The following PIWIL3 variants were observed in gnomAD, a reference collection of about 807,000 sequenced individuals.
PIWIL3 encodes the protein piwi-like protein 3.
PIWIL3 carries 101 observed loss-of-function variants against 109.7 expected under a neutral mutation model. That is an observed-to-expected ratio of 0.92 (90% confidence interval 0.78 to 1.09). The LOEUF (loss-of-function observed/expected upper bound fraction) is 1.09, where lower values mean the gene tolerates loss of function less well. PIWIL3 is among the 50% of genes least tolerant of loss of function. The probability of loss-of-function intolerance (pLI) is 0.00; values close to 1 mark genes in which losing one functional copy is unlikely to be tolerated. For synonymous variants in PIWIL3, 373 were observed against 376.4 expected (o/e 0.99, Z 0.10); for missense variants, 1,031 against 1,072.6 (o/e 0.96, Z 0.54).
chr22:24,765,971 C>A (rs1348494619), intron 1 of PIWIL3, among the ~76,000 whole-genome samples: 1 of 151,544 alleles, frequency 6.6e-6, no homozygotes, highest in Non-Finnish European at 1.5e-5. Flanking sequence ...CCTCAAGTAT[C>A]CTCTATTTTT....
At chr22:24,764,158 C>T (rs1222525914) in intron 1 of PIWIL3, among the ~76,000 whole-genome samples, 1 of 152,252 alleles carries the variant, frequency 6.6e-6, no homozygotes, top group Admixed American at 6.5e-5. Context: ...AATTTCAACC[C>T]TGGGGTCCCG....
chr22:24,730,061 T>C (rs573782116), intron 14 of PIWIL3, among the ~76,000 whole-genome samples: 69 of 152,148 alleles, frequency 4.5e-4, no homozygotes, highest in African/African-American at 1.3e-3. Context: ...GAATTATGTG[T>C]ACAGATTAGA....
chr22:24,759,685 C>T (rs755054140), intron 3 of PIWIL3, among the ~76,000 whole-genome samples, 184 bp downstream of exon 3: 2 of 152,228 alleles, frequency 1.3e-5, no homozygotes, highest in African/African-American at 2.4e-5. Context: ...AGTTAAGACA[C>T]AAGGTGAAGA....
At chr22:24,727,838 C>G in intron 16 of PIWIL3, 112 bp downstream of exon 16, 2 of 822,070 alleles carry the variant, frequency 2.4e-6, no homozygotes, top group Non-Finnish European at 3.8e-6. Context: ...TTAAGAATAA[C>G]TCATCTGTCA....
chr22:24,741,412 G>C (rs976285182), intron 12 of PIWIL3, among the ~76,000 whole-genome samples: 3 of 152,122 alleles, frequency 2.0e-5, no homozygotes, highest in Non-Finnish European at 4.4e-5. Context: ...GCTGAGGTAG[G>C]AGAATCACTT....
chr22:24,727,810 A>T (rs1923084953), intron 16 of PIWIL3, 140 bp downstream of exon 16: 2 of 698,056 alleles, frequency 2.9e-6, no homozygotes, highest in South Asian at 3.9e-5. Flanking sequence ...TTGCCAGAAA[A>T]ATCAGGAGAC....
rs754807881 is a variant in PIWIL3, at chr22:24,755,828, G to A, written c.648C>T (p.Pro216=). ...ITVEFSKELT[P]TSPDCLRYYN... is the part of the protein sequence containing the mutation. Reference sequence around the variant, plus strand: ...AATAGCGTAGGCAATCTGGCGACGTGGGCGTGAGTTCTTTGGAAAACTCAA... The same window carrying A: ...AATAGCGTAGGCAATCTGGCGACGTAGGCGTGAGTTCTTTGGAAAACTCAA... Residue 216 remains proline (P), a synonymous_variant, in exon 6 of 21, where the codon CCC becomes CCT. Coordinates refer to ENST00000616349, the MANE Select transcript of PIWIL3 (RefSeq NM_001255975.1). 6.2e-7 allele frequency: 1 copy of A among 1,614,028 alleles called. No homozygotes were observed. Among genetic ancestry groups the A allele is most frequent in the Non-Finnish European group, 8.5e-7 (1 of 1,179,994 alleles).
chr22:24,756,634 A>G lies in PIWIL3; in HGVS notation c.427T>C (p.Tyr143His). The change falls in exon 5 of 21, where the codon TAT becomes CAT. Residue 143 changes from tyrosine (Y) to histidine (H), a missense_variant. By Grantham distance (83) the Tyr-to-His change is moderately conservative. Transcript: ENST00000616349. Reference protein sequence around the residue: ...RVISRPQWVAYKYNVDYKPDI... With the variant: ...RVISRPQWVAHKYNVDYKPDI... ...GGTTTGTAGTCAACGTTGTATTTAT[A>G]TGCAACCCACTGAGGACGAGATATC... is the stretch of plus-strand genomic sequence containing the variant. 1.2e-6 allele frequency: 2 copies of G among 1,614,142 alleles called. No homozygotes were observed. Among genetic ancestry groups the G allele is most frequent in the Non-Finnish European group, 1.7e-6 (2 of 1,179,986 alleles).
At position 24,749,413 on chromosome 22, in the gene PIWIL3, G is replaced by T. The variant is rs1314191388; in HGVS notation, c.1325C>A (p.Thr442Asn). The T allele has an allele frequency of 2.5e-6, 4 of 1,613,778 alleles. No homozygotes were observed. In the African/African-American group the frequency reaches 5.3e-5, roughly 22 times the overall value. The change falls in exon 11 of 21, where the codon ACT (threonine) becomes AAT (asparagine). Residue 442 changes from threonine to asparagine, a missense_variant. By Grantham distance (65) the Thr-to-Asn change is moderately conservative. Transcript: ENST00000616349. Reference sequence around the variant, plus strand: ...GAAAAGCAGCACTTACTCTTGTAGAGTATTGATGAATTCTTTTAATGTATG... The same window carrying T: ...GAAAAGCAGCACTTACTCTTGTAGATTATTGATGAATTCTTTTAATGTATG... ...RHHTLKEFIN[T>N]LQDNKKVREL...
rs1926317396 is a variant in PIWIL3 at position 24,774,593 on chromosome 22, G to A, written c.-294C>T. 6.6e-6 allele frequency: 1 copy of A among 152,244 alleles called. No individual in the cohort carries two copies. The highest frequency in any genetic ancestry group is 1.5e-5 in the Non-Finnish European group (1 of 68,206). 9.4% of individuals were successfully genotyped at this position (152,244 alleles called of 1,614,324 possible). ...CAGGCTGAGGCGGGTAGATCATGAG[G>A]TCAGGAGATGGAGACCATCCTGGCT... On this transcript the variant is annotated 5_prime_UTR_variant, in exon 1 of 21. Coordinates refer to ENST00000616349, the MANE Select transcript of PIWIL3 (RefSeq NM_001255975.1).
At chr22:24,744,194 A>AAAAAACAAAC (rs1924203266) in intron 12 of PIWIL3, among the ~76,000 whole-genome samples, 1 of 147,364 alleles carries the variant, frequency 6.8e-6, no homozygotes, top group Non-Finnish European at 1.5e-5. Context: ...AAAAAAAAAA[A>AAAAAACAAAC]AAAAAAAAAA....
At chr22:24,764,126 G>A (rs1239318143) in intron 1 of PIWIL3, among the ~76,000 whole-genome samples, 1 of 152,208 alleles carries the variant, frequency 6.6e-6, no homozygotes, top group Non-Finnish European at 1.5e-5. Flanking sequence ...CAGGAAAGCA[G>A]GCGTCGCCCC....
intron 13 of PIWIL3, among the ~76,000 whole-genome samples, chr22:24,734,700 A>C (rs1171837493): frequency 1.3e-5 from 2 of 152,114 alleles, no homozygotes; most frequent in South Asian, 4.1e-4. Context: ...TAAAAACCAG[A>C]GGAAAATTGT....
At chr22:24,763,807 G>T (rs905351828) in intron 1 of PIWIL3, among the ~76,000 whole-genome samples, 3 of 151,708 alleles carry the variant, frequency 2.0e-5, no homozygotes, top group Non-Finnish European at 4.4e-5. Flanking sequence ...ATCCTGAGTG[G>T]GACCTCCGCC....
At chr22:24,733,994 CCAA>C (rs1293123662) in intron 14 of PIWIL3, 87 bp downstream of exon 14, 33 of 1,423,662 alleles carry the variant, frequency 2.3e-5, no homozygotes, top group South Asian at 6.5e-5. Context: ...GTTCAGGAAA[CCAA>C]CAACAACATT....
At position 24,749,027 on chromosome 22, in the gene PIWIL3, A is replaced by T; in HGVS notation, c.1335-6T>A. The T allele has an allele frequency of 1.3e-6, 2 of 1,592,558 alleles. No homozygotes were observed. The highest frequency in any genetic ancestry group is 1.7e-6 in the Non-Finnish European group (2 of 1,163,470). On this transcript the variant is annotated splice_region_variant and splice_polypyrimidine_tract_variant and intron_variant, in intron 11 of 20. Coordinates refer to ENST00000616349, the MANE Select transcript of PIWIL3 (RefSeq NM_001255975.1). Reference sequence around the variant, plus strand: ...ACTCTCGTACTTTTTTATTACTGAAAATTAAAATATTGCCAACATGATCAA... The same window carrying T: ...ACTCTCGTACTTTTTTATTACTGAATATTAAAATATTGCCAACATGATCAA...
chr22:24,753,702 C>T (rs1924842481), intron 8 of PIWIL3, among the ~76,000 whole-genome samples: 1 of 152,160 alleles, frequency 6.6e-6, no homozygotes, highest in Non-Finnish European at 1.5e-5. Context: ...TATAACTAAG[C>T]ACTGATTTTT....
chr22:24,725,875 A>G (rs576867739), intron 16 of PIWIL3, among the ~76,000 whole-genome samples: 13 of 152,206 alleles, frequency 8.5e-5, no homozygotes, highest in African/African-American at 3.1e-4. Context: ...TGGCTCCTCC[A>G]TGTTCCCCCT....
intron 12 of PIWIL3, among the ~76,000 whole-genome samples, chr22:24,742,190 C>A (rs976705631): frequency 7.0e-6 from 1 of 143,178 alleles, no homozygotes; most frequent in Non-Finnish European, 1.5e-5. Flanking sequence ...CTAACCTAAC[C>A]AAGGAGGTAA....
Sources: allele counts gnomAD v4.1 joint callset (sites outside exome capture counted in the v4.1 genomes callset), GRCh38; gene constraint gnomAD v4.1.1; transcripts MANE v1.5; gene names NCBI Gene and HGNC (gene_info 2026-07-23, HGNC 2026-07-21).